Variants in YWHAB observed in about 807,000 individuals in gnomAD.
The protein encoded by YWHAB is tyrosine 3-monooxygenase/tryptophan 5-monooxygenase activation protein beta.
YWHAB carries 2 observed loss-of-function variants against 28.5 expected under a neutral mutation model. That is an observed-to-expected ratio of 0.07 (90% confidence interval 0.03 to 0.22). YWHAB has a LOEUF of 0.22. Among genes scored for constraint, YWHAB ranks in the 10% least tolerant of loss-of-function variants. The pLI, the probability that YWHAB is intolerant of heterozygous loss-of-function variation, is 1.00. For synonymous variants in YWHAB, 103 were observed against 104.7 expected, an observed-to-expected ratio of 0.98 and a Z score of 0.10; for missense variants, 148 against 297.1, an observed-to-expected ratio of 0.50 and a Z score of 3.69.
At chr20:44,902,418 GGGAGGGGTA>G (rs2066632748) in intron 2 of YWHAB, 1 of 152,272 alleles carries the variant, frequency 6.6e-6, no homozygotes, top group Non-Finnish European at 1.5e-5. Context: ...GGGATTGAAT[GGGAGGGGTA>G]CGTACTCCAA....
At position 44,906,110 on chromosome 20, in the gene YWHAB, C is replaced by A. The variant is rs771621179; in HGVS notation, c.684+14C>A. 2 of 1,589,870 alleles carry A rather than the reference C, an allele frequency of 1.3e-6. No homozygotes were observed. Among genetic ancestry groups the A allele is most frequent in the Non-Finnish European group, 1.7e-6 (2 of 1,158,724 alleles). On this transcript the variant is annotated intron_variant, in intron 5 of 5. Coordinates refer to ENST00000353703, the MANE Select transcript of YWHAB (RefSeq NM_139323.4). ...GACAATCTCACTGTAAGTACTACTT[C>A]CACAGGGTTTATAGTCTCTTTCCTA...
At chr20:44,890,377 G>A (rs1568928417) in intron 1 of YWHAB, among the ~76,000 whole-genome samples, 1 of 151,976 alleles carries the variant, frequency 6.6e-6, no homozygotes, top group African/African-American at 2.4e-5. Context: ...ACCTTCCTCT[G>A]TCCACGTAGG....
At chr20:44,889,431 A>T (rs539091730) in intron 1 of YWHAB, among the ~76,000 whole-genome samples, 303 of 152,022 alleles carry the variant, frequency 2.0e-3, no homozygotes, top group Non-Finnish European at 3.8e-3. Flanking sequence ...AGTGGCCTCA[A>T]GTCATTCCTA....
intron 1 of YWHAB, among the ~76,000 whole-genome samples, chr20:44,893,940 G>C (rs894224506): frequency 2.0e-5 from 3 of 152,058 alleles, no homozygotes. Flanking sequence ...CAGGTGATCT[G>C]CCTGCCTTGG....
intron 1 of YWHAB, among the ~76,000 whole-genome samples, chr20:44,899,389 A>G (rs1438922371): frequency 6.6e-6 from 1 of 152,158 alleles, no homozygotes; most frequent in Non-Finnish European, 1.5e-5. Flanking sequence ...CTAAGGCAGG[A>G]GAATCACTTG....
intron 1 of YWHAB, among the ~76,000 whole-genome samples, chr20:44,893,108 T>G (rs1009976441): frequency 4.6e-5 from 7 of 152,184 alleles, no homozygotes; most frequent in African/African-American, 1.7e-4. Flanking sequence ...TTCTTTTTCT[T>G]TTCTTTCTTT....
chr20:44,901,507 C>T, intron 1 of YWHAB, 24 bp from the exon 2 acceptor site: 2 of 1,555,752 alleles, frequency 1.3e-6, no homozygotes, highest in Non-Finnish European at 1.7e-6. Context: ...TTTGCTCTTT[C>T]TTTTTCTCTT....
chr20:44,904,213 C>T, intron 3 of YWHAB, 97 bp downstream of exon 3: 2 of 1,461,882 alleles, frequency 1.4e-6, no homozygotes, highest in Non-Finnish European at 1.9e-6. Context: ...GCCATAGACA[C>T]CAATGTCACA....
At chr20:44,890,076 A>C (rs563890739) in intron 1 of YWHAB, among the ~76,000 whole-genome samples, 1 of 152,306 alleles carries the variant, frequency 6.6e-6, no homozygotes, top group East Asian at 1.9e-4. Context: ...GCAGGCCATA[A>C]ATGATGGATG....
At chr20:44,900,214 A>G (rs556351965) in intron 1 of YWHAB, among the ~76,000 whole-genome samples, 4 of 152,146 alleles carry the variant, frequency 2.6e-5, no homozygotes, top group African/African-American at 9.6e-5. Flanking sequence ...CACCCAGCCA[A>G]TTTTTTCTTC....
chr20:44,906,561 C>A lies in YWHAB; in HGVS notation c.*123C>A. ...TACGTCGACTTTCGATTTTTCACAG[C>A]CTCAGCCTAGGAAAAATGGTTCATG... On this transcript the variant is annotated 3_prime_UTR_variant, in exon 6 of 6. Transcript: ENST00000353703. 1.2e-6 allele frequency: 1 copy of A among 849,162 alleles called. No individual in the cohort carries two copies. Among genetic ancestry groups the A allele is most frequent in the Non-Finnish European group, 1.7e-6 (1 of 584,444 alleles). The allele number at this position is 849,162 out of a possible 1,614,324, so 52.6% of individuals were successfully genotyped here. A position where few individuals can be genotyped will look rare whatever the true frequency, so the allele number is the denominator to read the frequency against.
intron 1 of YWHAB, among the ~76,000 whole-genome samples, chr20:44,894,588 AT>A (rs1295468171): frequency 1.3e-5 from 2 of 152,262 alleles, no homozygotes; most frequent in Non-Finnish European, 2.9e-5. Context: ...AAAATTGTAT[AT>A]TTAAAAAGAA....
At chr20:44,890,277 T>C (rs965839093) in intron 1 of YWHAB, among the ~76,000 whole-genome samples, 2 of 152,168 alleles carry the variant, frequency 1.3e-5, no homozygotes, top group Admixed American at 6.5e-5. Context: ...AAATGTATAG[T>C]GTTGCTCCTG....
At chr20:44,889,543 C>T (rs376901981) in intron 1 of YWHAB, among the ~76,000 whole-genome samples, 1 of 151,306 alleles carries the variant, frequency 6.6e-6, no homozygotes, top group African/African-American at 2.4e-5. Context: ...TATTGTTTTC[C>T]CTAAAAGAAC....
At chr20:44,899,061 G>A (rs1157873198) in intron 1 of YWHAB, among the ~76,000 whole-genome samples, 1 of 152,154 alleles carries the variant, frequency 6.6e-6, no homozygotes, top group Non-Finnish European at 1.5e-5. Flanking sequence ...GCAGTGAGCC[G>A]AGGTTGCGTC....
At chr20:44,890,500 C>CTTTTT (rs35619333) in intron 1 of YWHAB, among the ~76,000 whole-genome samples, 9 of 86,388 alleles carry the variant, frequency 1.0e-4, no homozygotes, top group Non-Finnish European at 1.5e-4. Context: ...TGGATTCCTA[C>CTTTTT]TTTTTTTTTT....
chr20:44,901,751 G>A lies in YWHAB; in HGVS notation c.218G>A (p.Arg73Lys). The A allele has an allele frequency of 6.2e-7, 1 of 1,613,900 alleles. No individual in the cohort carries two copies. The highest frequency in any genetic ancestry group is 1.1e-5 in the South Asian group (1 of 91,078). ...VISSIEQKTE[R>K]NEKKQQMGKE... Reference sequence around the variant, plus strand: ...TCCAGCATTGAGCAGAAAACAGAGAGGAATGAGAAGAAGCAGCAGATGGGC... The same window carrying A: ...TCCAGCATTGAGCAGAAAACAGAGAAGAATGAGAAGAAGCAGCAGATGGGC... Residue 73 changes from arginine (R) to lysine (K), a missense_variant, in exon 2 of 6, where the codon AGG (arginine) becomes AAG (lysine). This residue lies in a region of YWHAB where 110 missense variants were observed against 177.9 expected (regional missense o/e 0.62). Coordinates refer to ENST00000353703, the MANE Select transcript of YWHAB (RefSeq NM_139323.4).
intron 1 of YWHAB, among the ~76,000 whole-genome samples, chr20:44,899,386 A>C (rs1351313527): frequency 6.6e-6 from 1 of 152,160 alleles, no homozygotes; most frequent in African/African-American, 2.4e-5. Flanking sequence ...AGGCTAAGGC[A>C]GGAGAATCAC....
rs756684264 is a variant in YWHAB, at chr20:44,901,677, T to C, written c.144T>C (p.Val48=). The C allele has an allele frequency of 6.2e-7, 1 of 1,613,744 alleles. No homozygotes were observed. Among genetic ancestry groups the C allele is most frequent in the Non-Finnish European group, 8.5e-7 (1 of 1,179,912 alleles). The change falls in exon 2 of 6, where the codon GTT becomes GTC. Residue 48 remains valine (V), a synonymous_variant. Coordinates refer to ENST00000353703, the MANE Select transcript of YWHAB (RefSeq NM_139323.4). ...ACGAAGAGAGAAATCTGCTCTCTGT[T>C]GCCTACAAGAATGTGGTAGGCGCCC... ...LSNEERNLLS[V]AYKNVVGARR...
Sources: allele counts gnomAD v4.1 joint callset (sites outside exome capture counted in the v4.1 genomes callset), GRCh38; gene constraint gnomAD v4.1.1; regional missense constraint gnomAD v4.1.1; transcripts MANE v1.5; gene names NCBI Gene and HGNC (gene_info 2026-07-23, HGNC 2026-07-21).